The following AHCTF1 variants were observed in gnomAD, a reference collection of about 807,000 sequenced individuals.
The protein encoded by AHCTF1 is protein ELYS.
In AHCTF1, 24 loss-of-function variants were observed where a neutral mutation model predicts 248.4. The observed-to-expected ratio is 0.10, with a 90% CI of 0.07 to 0.14. AHCTF1 has a LOEUF of 0.14. AHCTF1 is among the 10% of genes least tolerant of loss of function. AHCTF1 has a pLI of 1.00. For synonymous variants in AHCTF1, 786 were observed against 929.8 expected, an observed-to-expected ratio of 0.85 and a Z score of 2.81; for missense variants, 2,206 against 2,636.2, an observed-to-expected ratio of 0.84 and a Z score of 3.57.
At chr1:246,881,318 G>A (rs1663386659) in intron 21 of AHCTF1, among the ~76,000 whole-genome samples, 1 of 152,254 alleles carries the variant, frequency 6.6e-6, no homozygotes, top group South Asian at 2.1e-4. Context: ...AATATTGTGA[G>A]GAACTGAGAC....
intron 11 of AHCTF1, among the ~76,000 whole-genome samples, chr1:246,899,185 C>T (rs1664821148): frequency 6.6e-6 from 1 of 152,006 alleles, no homozygotes; most frequent in Admixed American, 6.5e-5. Flanking sequence ...ACTTCATTTC[C>T]TCATAAGCTT....
intron 30 of AHCTF1, 56 bp from the exon 31 acceptor site, chr1:246,855,883 C>T: frequency 7.6e-7 from 1 of 1,321,180 alleles, no homozygotes; most frequent in East Asian, 2.4e-5. Context: ...CTGCTTTAAC[C>T]TGCTTTAGTC....
In AHCTF1 at chr1:246,850,071, T is replaced by C; in HGVS notation, c.5935A>G (p.Lys1979Glu). ...AIPRKRGRPRKINPSEDVGSK... is the reference protein window; with the variant it reads ...AIPRKRGRPREINPSEDVGSK... ...CCTACATCTTCAGATGGATTGATTT[T>C]TCTTGGTCTACCACGTTTTCTAGGT... The change falls in exon 33 of 36, where the codon AAA becomes GAA. Residue 1979 changes from lysine to glutamate, a missense_variant. Lys to Glu is a moderately conservative substitution (Grantham distance 56). Around this residue, in one of 6 missense-constraint regions of AHCTF1, gnomAD observed 469 missense variants for 470.0 expected, o/e 1.00. Coordinates refer to ENST00000648844, the MANE Select transcript of AHCTF1 (RefSeq NM_001323342.2). 6.2e-7 allele frequency: 1 copy of C among 1,613,968 alleles called. No individual in the cohort carries two copies.
chr1:246,874,850 C>T (rs1008832965), intron 24 of AHCTF1, among the ~76,000 whole-genome samples: 1 of 152,146 alleles, frequency 6.6e-6, no homozygotes, highest in African/African-American at 2.4e-5. Context: ...GCTCTCAGCC[C>T]TCAAGAATGA....
At chr1:246,922,894 A>G (rs1358587199) in intron 1 of AHCTF1, among the ~76,000 whole-genome samples, 2 of 149,610 alleles carry the variant, frequency 1.3e-5, no homozygotes, top group African/African-American at 2.5e-5. Context: ...GAGGCAGGAG[A>G]ATGGCATGAA....
At chr1:246,905,707 A>C in intron 5 of AHCTF1, 50 bp from the exon 6 acceptor site, 1 of 1,417,870 alleles carries the variant, frequency 7.1e-7, no homozygotes, top group African/African-American at 1.4e-5. Flanking sequence ...TTTAGAAAGG[A>C]AAAAGGTACA....
At chr1:246,931,098 G>A (rs1261944184) in intron 1 of AHCTF1, 11 of 1,547,154 alleles carry the variant, frequency 7.1e-6, no homozygotes, top group Middle Eastern at 1.7e-4. Context: ...TGAGCCCCGA[G>A]TCCAACTTCT....
intron 8 of AHCTF1, among the ~76,000 whole-genome samples, chr1:246,902,282 C>T (rs927973397): frequency 4.6e-5 from 7 of 152,104 alleles, no homozygotes; most frequent in South Asian, 2.1e-4. Flanking sequence ...CTAGGGATCG[C>T]CTGTTTTGAG....
chr1:246,921,871 G>A (rs763983669), intron 1 of AHCTF1, among the ~76,000 whole-genome samples: 11 of 152,202 alleles, frequency 7.2e-5, no homozygotes, highest in Non-Finnish European at 1.0e-4. Context: ...ATAGAGATCA[G>A]ATAGAAGGTC....
At position 246,840,782 on chromosome 1, in the gene AHCTF1, G is replaced by A. The variant is rs777126355; in HGVS notation, c.*24C>T. 1.3e-5 allele frequency: 21 copies of A among 1,568,210 alleles called. No homozygotes were observed. In the South Asian group the frequency reaches 1.9e-4, roughly 14 times the overall value. On this transcript the variant is annotated 3_prime_UTR_variant, in exon 36 of 36. Coordinates refer to ENST00000648844, the MANE Select transcript of AHCTF1 (RefSeq NM_001323342.2). ...TATTCTGATGACTTTACAAATAGGT[G>A]TACATTAAAATCTTCCCAAGAAATT...
intron 1 of AHCTF1, among the ~76,000 whole-genome samples, chr1:246,919,338 C>T (rs1312240909): frequency 6.6e-6 from 1 of 152,232 alleles, no homozygotes; most frequent in Non-Finnish European, 1.5e-5. Flanking sequence ...CCACATTGAC[C>T]ATGGCTCTGA....
chr1:246,895,760 A>T, intron 13 of AHCTF1, 75 bp downstream of exon 13: 1 of 1,257,374 alleles, frequency 8.0e-7, no homozygotes, highest in Non-Finnish European at 1.1e-6. Flanking sequence ...TAAAATAACT[A>T]AGAAAAAAAT....
intron 14 of AHCTF1, among the ~76,000 whole-genome samples, chr1:246,892,301 C>CTTTTTCTTTTTTTTTT (rs1664261181): frequency 1.5e-5 from 1 of 64,974 alleles, no homozygotes; most frequent in African/African-American, 6.3e-5. Context: ...ATTTGTTTTA[C>CTTTTTCTTTTTTTTTT]TTTTTTTTTT....
intron 1 of AHCTF1, among the ~76,000 whole-genome samples, chr1:246,922,786 T>G (rs558080917): frequency 1.6e-4 from 24 of 150,016 alleles, no homozygotes; most frequent in East Asian, 1.4e-3. Flanking sequence ...ATCGAGACCA[T>G]CCTGGATAAC....
chr1:246,917,375 A>C (rs1666220299), intron 2 of AHCTF1, among the ~76,000 whole-genome samples: 1 of 152,220 alleles, frequency 6.6e-6, no homozygotes, highest in African/African-American at 2.4e-5. Flanking sequence ...GCATCCAAGT[A>C]CATTAGTTGG....
chr1:246,875,702 G>A (rs1186601489), intron 24 of AHCTF1, among the ~76,000 whole-genome samples: 1 of 152,188 alleles, frequency 6.6e-6, no homozygotes, highest in Non-Finnish European at 1.5e-5. Context: ...TTAGCAAAAG[G>A]ATTACGACTC....
At chr1:246,873,636 T>A (rs1418905457) in intron 24 of AHCTF1, among the ~76,000 whole-genome samples, 1 of 152,070 alleles carries the variant, frequency 6.6e-6, no homozygotes. Flanking sequence ...CTAAATATAC[T>A]AGAGACAATA....
chr1:246,852,242 T>A (rs1314354080), intron 32 of AHCTF1, among the ~76,000 whole-genome samples: 1 of 152,180 alleles, frequency 6.6e-6, no homozygotes, highest in Non-Finnish European at 1.5e-5. Flanking sequence ...GCTTCCCAAC[T>A]AAAAGAACTG....
chr1:246,896,546 G>C (rs568657066), intron 12 of AHCTF1, among the ~76,000 whole-genome samples: 1 of 152,282 alleles, frequency 6.6e-6, no homozygotes, highest in Non-Finnish European at 1.5e-5. Context: ...ATGTAAGGCT[G>C]GGTAGGATGG....
Sources: allele counts gnomAD v4.1 joint callset (sites outside exome capture counted in the v4.1 genomes callset), GRCh38; gene constraint gnomAD v4.1.1; regional missense constraint gnomAD v4.1.1; transcripts MANE v1.5; gene names NCBI Gene and HGNC (gene_info 2026-07-23, HGNC 2026-07-21).